NCKAP5: variants seen among roughly 807,000 people sequenced by gnomAD.
NCKAP5 encodes nck-associated protein 5.
NCKAP5 carries 92 observed loss-of-function variants against 167.0 expected under a neutral mutation model. That is an observed-to-expected ratio of 0.55 (90% CI 0.47 to 0.66). The LOEUF is 0.66. Ranked by LOEUF, NCKAP5 falls within the 30% of genes least tolerant of loss-of-function variation. The pLI is 0.00. For missense variants in NCKAP5, 2,378 were observed against 2,315.0 expected (o/e 1.03, Z -0.56); for synonymous variants, 891 against 877.4 (o/e 1.02, Z -0.27).
rs1022586124 is a variant in NCKAP5 at position 133,165,112 on chromosome 2, G to A, written c.208-35001C>T. On this transcript the variant is annotated intron_variant, in intron 5 of 19. Coordinates refer to ENST00000409261, the MANE Select transcript of NCKAP5 (RefSeq NM_207363.3). The stretch of plus-strand genomic sequence containing the variant: ...AGGAGGTGACTGCCATCTGCAAGGT[G>A]AAGGCCAGAGTGCCAATGAACATCC... 2.6e-5 allele frequency among the ~76,000 whole-genome samples: 4 copies of A among 152,152 alleles called. No individual in the cohort carries two copies. The East Asian group carries it at 7.7e-4, about 29-fold the overall frequency.
chr2:133,254,147 G>A (rs746229866), intron 4 of NCKAP5, among the ~76,000 whole-genome samples: 15 of 152,138 alleles, frequency 9.9e-5, no homozygotes, highest in Non-Finnish European at 1.9e-4. Context: ...CTCCCACAGC[G>A]AAAACAGGTT....
At chr2:133,292,969 A>G (rs767270509) in intron 4 of NCKAP5, among the ~76,000 whole-genome samples, 1 of 152,182 alleles carries the variant, frequency 6.6e-6, no homozygotes, top group Admixed American at 6.5e-5. Flanking sequence ...TTCAAATTCA[A>G]TGTATTCCAT....
At chr2:133,489,503 G>C (rs1021479562) in intron 3 of NCKAP5, among the ~76,000 whole-genome samples, 6 of 152,058 alleles carry the variant, frequency 3.9e-5, no homozygotes, top group Non-Finnish European at 5.9e-5. Context: ...GTATTTTAGG[G>C]GCAATTTTTA....
intron 3 of NCKAP5, among the ~76,000 whole-genome samples, chr2:133,383,394 C>T (rs558847004): frequency 6.6e-6 from 1 of 152,288 alleles, no homozygotes; most frequent in African/African-American, 2.4e-5. Flanking sequence ...AGGACATGAA[C>T]TCATCCTTTT....
At chr2:133,404,253 A>G (rs1417057258) in intron 3 of NCKAP5, among the ~76,000 whole-genome samples, 3 of 152,240 alleles carry the variant, frequency 2.0e-5, no homozygotes, top group Non-Finnish European at 2.9e-5. Flanking sequence ...GCCTAAATTG[A>G]GCAACATTAA....
At chr2:133,647,816 G>A in the NCKAP5 span, among the ~76,000 whole-genome samples, 16 of 152,030 alleles carry the variant, frequency 1.1e-4, no homozygotes, top group Non-Finnish European at 2.1e-4. Context: ...GGGAGGAGAC[G>A]GGAAGGGCAG....
At chr2:132,709,056 A>C (rs1688611091) in intron 19 of NCKAP5, among the ~76,000 whole-genome samples, 1 of 152,112 alleles carries the variant, frequency 6.6e-6, no homozygotes, top group South Asian at 2.1e-4. Flanking sequence ...TATTGATCTT[A>C]TATCCAGTCA....
intron 4 of NCKAP5, among the ~76,000 whole-genome samples, chr2:133,233,184 A>G (rs1279784884): frequency 2.6e-5 from 4 of 152,182 alleles, no homozygotes; most frequent in Non-Finnish European, 5.9e-5. Context: ...AACTCCTTAT[A>G]CTTCTTAATT....
intron 11 of NCKAP5, among the ~76,000 whole-genome samples, chr2:132,858,736 A>G (rs138817061): frequency 4.6e-5 from 7 of 152,298 alleles, no homozygotes; most frequent in African/African-American, 1.4e-4. Context: ...GTTGGCTGAA[A>G]ACACCTAATG....
At chr2:133,554,111 A>C (rs1687571625) in intron 2 of NCKAP5, among the ~76,000 whole-genome samples, 1 of 152,202 alleles carries the variant, frequency 6.6e-6, no homozygotes, top group Non-Finnish European at 1.5e-5. Context: ...GGCCAGCAGC[A>C]GAATCTCTGA....
intron 12 of NCKAP5, among the ~76,000 whole-genome samples, chr2:132,794,223 C>CACATAT (rs1553443700): frequency 4.7e-5 from 1 of 21,178 alleles, no homozygotes; most frequent in African/African-American, 1.1e-4. Flanking sequence ...AATGTTTATA[C>CACATAT]ATATATATAT....
chr2:133,386,205 A>G (rs141038044), intron 3 of NCKAP5, among the ~76,000 whole-genome samples: 1 of 152,312 alleles, frequency 6.6e-6, no homozygotes, highest in African/African-American at 2.4e-5. Context: ...ATTTCCCTCT[A>G]CACACTGCTT....
chr2:133,630,680 A>G, the NCKAP5 span, among the ~76,000 whole-genome samples: 2 of 152,140 alleles, frequency 1.3e-5, no homozygotes, highest in Admixed American at 6.5e-5. Flanking sequence ...TGCCTGGGCT[A>G]GATTCCTTAA....
At chr2:133,586,148 A>T in the NCKAP5 span, among the ~76,000 whole-genome samples, 2 of 152,120 alleles carry the variant, frequency 1.3e-5, no homozygotes, top group Admixed American at 1.3e-4. Context: ...GTTACAATGA[A>T]CTCAGACTCT....
chr2:132,868,309 G>T (rs1690516075), intron 10 of NCKAP5, among the ~76,000 whole-genome samples: 1 of 152,132 alleles, frequency 6.6e-6, no homozygotes, highest in Admixed American at 6.6e-5. Flanking sequence ...AAATTGACCT[G>T]CATTTACTGT....
At chr2:133,466,183 T>G (rs1256164087) in intron 3 of NCKAP5, among the ~76,000 whole-genome samples, 4 of 146,316 alleles carry the variant, frequency 2.7e-5, no homozygotes, top group African/African-American at 1.0e-4. Flanking sequence ...AATTGATTTT[T>G]GTATAAGGTG....
At chr2:133,618,165 A>G in the NCKAP5 span, among the ~76,000 whole-genome samples, 1 of 152,128 alleles carries the variant, frequency 6.6e-6, no homozygotes, top group Admixed American at 6.6e-5. Flanking sequence ...AAGATGGATT[A>G]AAGCCTTAAA....
At chr2:133,443,283 T>A (rs1353785832) in intron 3 of NCKAP5, among the ~76,000 whole-genome samples, 1 of 152,210 alleles carries the variant, frequency 6.6e-6, no homozygotes, top group African/African-American at 2.4e-5. Context: ...TCCTGCCTGG[T>A]TCCACTTTCT....
chr2:133,399,424 A>AAGTTGGAGGAAGGCCGGGAGGC, intron 3 of NCKAP5, among the ~76,000 whole-genome samples: 1 of 152,220 alleles, frequency 6.6e-6, no homozygotes, highest in East Asian at 1.9e-4. Context: ...TGTCATTATA[A>AAGTTGGAGGAAGGCCGGGAGGC]AGTTGGAGGA....
Sources: allele counts gnomAD v4.1 joint callset (sites outside exome capture counted in the v4.1 genomes callset), GRCh38; gene constraint gnomAD v4.1.1; transcripts MANE v1.5; gene names NCBI Gene and HGNC (gene_info 2026-07-23, HGNC 2026-07-21).